PACRG: variants seen among roughly 807,000 people sequenced by gnomAD.
PACRG encodes parkin coregulated.
PACRG carries 29 observed loss-of-function variants against 29.7 expected under a neutral mutation model. That is an observed-to-expected ratio of 0.98 (90% CI 0.73 to 1.33). The LOEUF is 1.33. Ranked by LOEUF, PACRG falls within the 40% of genes most tolerant of loss-of-function variation. The pLI, the probability that PACRG is intolerant of heterozygous loss-of-function variation, is 0.00. For synonymous variants in PACRG, 116 were observed against 118.7 expected, an observed-to-expected ratio of 0.98 and a Z score of 0.15; for missense variants, 279 against 316.2, an observed-to-expected ratio of 0.88 and a Z score of 0.89.
intron 4 of PACRG, among the ~76,000 whole-genome samples, chr6:163,104,688 C>T (rs1815283959): frequency 6.6e-6 from 1 of 152,198 alleles, no homozygotes. Context: ...ATTTAATTTA[C>T]ACAATGTTTT....
intron 2 of PACRG, among the ~76,000 whole-genome samples, chr6:163,015,465 A>C (rs1200569971): frequency 6.6e-6 from 1 of 152,160 alleles, no homozygotes; most frequent in Non-Finnish European, 1.5e-5. Context: ...AATGATACCA[A>C]TTCTGCTTCT....
intron 2 of PACRG, among the ~76,000 whole-genome samples, chr6:162,956,964 T>C (rs1259258451): frequency 6.6e-6 from 1 of 152,144 alleles, no homozygotes; most frequent in Admixed American, 6.5e-5. Flanking sequence ...ACTGCATTTT[T>C]AATGTAGGTA....
At chr6:163,120,867 A>T (rs984746313) in intron 4 of PACRG, among the ~76,000 whole-genome samples, 1 of 152,142 alleles carries the variant, frequency 6.6e-6, no homozygotes, top group Non-Finnish European at 1.5e-5. Context: ...GCCTGGCCTC[A>T]TTCCTTTTTC....
intron 2 of PACRG, among the ~76,000 whole-genome samples, chr6:162,826,452 C>CT (rs1788285858): frequency 6.8e-6 from 1 of 146,526 alleles, no homozygotes; most frequent in African/African-American, 2.5e-5. Context: ...AAAGATTTTT[C>CT]TTTTTTCTTT....
intron 2 of PACRG, among the ~76,000 whole-genome samples, chr6:162,878,547 CAA>C (rs1793566289): frequency 1.3e-5 from 2 of 152,094 alleles, no homozygotes; most frequent in Admixed American, 6.6e-5. Context: ...TACTTGGATT[CAA>C]AGAGTGACAT....
chr6:162,911,545 T>C (rs1032927798), intron 2 of PACRG, among the ~76,000 whole-genome samples: 9 of 152,234 alleles, frequency 5.9e-5, no homozygotes, highest in Non-Finnish European at 1.0e-4. Flanking sequence ...AATATAGATA[T>C]GGATATATAG....
At chr6:163,083,060 C>G (rs1367705946) in intron 3 of PACRG, among the ~76,000 whole-genome samples, 7 of 152,200 alleles carry the variant, frequency 4.6e-5, no homozygotes, top group African/African-American at 1.7e-4. Flanking sequence ...CCTCTTTTCT[C>G]TTTTCTCAAA....
At chr6:162,788,516 G>T (rs553084315) in intron 1 of PACRG, among the ~76,000 whole-genome samples, 1 of 152,260 alleles carries the variant, frequency 6.6e-6, no homozygotes, top group Non-Finnish European at 1.5e-5. Context: ...TAATTCATTT[G>T]GGCAAATTCC....
At chr6:163,098,270 G>A (rs1225059766) in intron 4 of PACRG, among the ~76,000 whole-genome samples, 1 of 152,164 alleles carries the variant, frequency 6.6e-6, no homozygotes, top group Non-Finnish European at 1.5e-5. Context: ...CCCCCTGCCT[G>A]TGTGTGGAAC....
intron 2 of PACRG, among the ~76,000 whole-genome samples, chr6:162,983,461 A>C (rs928548567): frequency 6.6e-6 from 1 of 151,858 alleles, no homozygotes; most frequent in Non-Finnish European, 1.5e-5. Context: ...GTTTTGTTTC[A>C]AGATTTAGAA....
intron 2 of PACRG, among the ~76,000 whole-genome samples, chr6:162,833,714 A>T (rs1435938254): frequency 2.0e-5 from 3 of 147,046 alleles, no homozygotes; most frequent in African/African-American, 5.0e-5. Context: ...GACTGCAATT[A>T]AAAAAATATG....
At chr6:163,163,141 T>C (rs1778629315) in intron 4 of PACRG, among the ~76,000 whole-genome samples, 1 of 152,222 alleles carries the variant, frequency 6.6e-6, no homozygotes, top group Non-Finnish European at 1.5e-5. Flanking sequence ...ATTAAGTGGA[T>C]CCAGCCTGTG....
In PACRG at chr6:163,221,722, C is replaced by T. The variant is rs145120481; in HGVS notation, c.614-93105C>T. On this transcript the variant is annotated intron_variant, in intron 4 of 4. Coordinates refer to ENST00000366888, the MANE Select transcript of PACRG (RefSeq NM_001080379.2). ...TGCAAGTGTGCTGAACTGTACTGAA[C>T]TGACCAAAGCACTGCAGTTCAGTGG... Among the ~76,000 whole-genome samples the T allele has an allele frequency of 3.4e-3, 519 of 152,284 alleles. 8 individuals carry two copies. The highest frequency in any genetic ancestry group is 1.4e-3 in the Non-Finnish European group (97 of 68,024).
rs193086977 is a variant in PACRG, at chr6:163,214,437, C to T, written c.614-100390C>T. Among the ~76,000 whole-genome samples, 78 of 152,196 alleles carry T rather than the reference C, an allele frequency of 5.1e-4. No homozygotes were observed. In the South Asian group the frequency reaches 0.013, roughly 25 times the overall value. On this transcript the variant is annotated intron_variant, in intron 4 of 4. Coordinates refer to ENST00000366888, the MANE Select transcript of PACRG (RefSeq NM_001080379.2). ...AAGGTCACATTGAATTTACAGAACA[C>T]TTTGGGTACAGTTGTTATACTTTTA...
intron 1 of PACRG, among the ~76,000 whole-genome samples, chr6:162,780,240 A>G (rs1033503990): frequency 1.3e-5 from 2 of 152,210 alleles, no homozygotes; most frequent in African/African-American, 4.8e-5. Context: ...GGCATTGAGT[A>G]GAGTTCTAAA....
chr6:162,743,103 C>T (rs1780725390), intron 1 of PACRG, among the ~76,000 whole-genome samples: 1 of 152,108 alleles, frequency 6.6e-6, no homozygotes, highest in African/African-American at 2.4e-5. Context: ...TTTTAAATTA[C>T]AGTGCCCTGA....
chr6:163,301,008 CGTG>C (rs1784977398), intron 4 of PACRG, among the ~76,000 whole-genome samples: 1 of 127,182 alleles, frequency 7.9e-6, no homozygotes, highest in South Asian at 2.6e-4. Flanking sequence ...CGCTGCTTCC[CGTG>C]AGTTTAGTAG....
chr6:162,873,948 C>G (rs548209565), intron 2 of PACRG, among the ~76,000 whole-genome samples: 1 of 152,154 alleles, frequency 6.6e-6, no homozygotes, highest in Non-Finnish European at 1.5e-5. Flanking sequence ...TTTCAATAAA[C>G]GAAACCAAGC....
intron 4 of PACRG, among the ~76,000 whole-genome samples, chr6:163,126,353 G>A (rs1816513414): frequency 6.6e-6 from 1 of 152,124 alleles, no homozygotes; most frequent in African/African-American, 2.4e-5. Flanking sequence ...ACCACCCATG[G>A]AACACCTGTT....
Sources: gnomAD v4.1 joint callset for allele counts (sites outside exome capture counted in the v4.1 genomes callset) on GRCh38, gnomAD v4.1.1 for gene constraint, MANE v1.5 for transcripts, NCBI Gene and HGNC (gene_info 2026-07-23, HGNC 2026-07-21) for gene names.